ARSF: variants seen among roughly 807,000 people sequenced by gnomAD.
ARSF encodes arylsulfatase F.
A neutral mutation model predicts 35.4 loss-of-function variants in ARSF; 33 were observed. The ratio of observed to expected loss-of-function variants is 0.93; its 90% CI spans 0.71 to 1.25. The LOEUF (loss-of-function observed/expected upper bound fraction) is 1.25. Ranked by LOEUF, ARSF falls within the 50% of genes most tolerant of loss-of-function variation. The pLI is 0.00. For synonymous variants in ARSF, 222 were observed against 193.1 expected (o/e 1.15, Z -1.24); for missense variants, 501 against 480.2 (o/e 1.04, Z -0.40).
At chrX:3,073,464 A>T (rs182317712) in intron 3 of ARSF, among the ~76,000 whole-genome samples, 132 of 93,603 alleles carry the variant, frequency 1.4e-3, no homozygotes, top group African/African-American at 5.6e-3. Context: ...TTTTACTATG[A>T]CCATCCTGGT....
intron 4 of ARSF, among the ~76,000 whole-genome samples, chrX:3,077,490 T>C (rs878911079): frequency 9.2e-6 from 1 of 109,275 alleles, no homozygotes; most frequent in East Asian, 2.9e-4. Context: ...AATACAAAAA[T>C]TAGCCGGACA....
intron 5 of ARSF, among the ~76,000 whole-genome samples, chrX:3,082,204 G>A (rs1207435967): frequency 3.6e-5 from 4 of 111,890 alleles, no homozygotes; most frequent in Non-Finnish European, 5.6e-5. Flanking sequence ...ACGTTTTACT[G>A]AATAAGTCCC....
At chrX:3,044,888 C>T (rs1207721878) in intron 1 of ARSF, among the ~76,000 whole-genome samples, 1 of 110,260 alleles carries the variant, frequency 9.1e-6, no homozygotes, top group African/African-American at 3.3e-5. Flanking sequence ...TAGGGCCGAG[C>T]TTCCAGACTT....
intron 1 of ARSF, among the ~76,000 whole-genome samples, chrX:3,067,664 G>C (rs1280316234): frequency 9.1e-6 from 1 of 110,233 alleles, no homozygotes; most frequent in Non-Finnish European, 1.9e-5. Flanking sequence ...TTCAGGACCA[G>C]CCTGGCCAAC....
intron 5 of ARSF, among the ~76,000 whole-genome samples, chrX:3,083,006 C>G (rs747715173): frequency 3.6e-5 from 4 of 109,810 alleles, no homozygotes; most frequent in Non-Finnish European, 7.6e-5. Context: ...ACTACTCACT[C>G]TATCTCTATC....
chrX:3,082,390 GTCTA>G (rs1392824046), intron 5 of ARSF, among the ~76,000 whole-genome samples: 8 of 110,617 alleles, frequency 7.2e-5, no homozygotes, highest in Middle Eastern at 4.2e-3. Flanking sequence ...CCATCTACCT[GTCTA>G]TCTATCTACC....
rs182863204 is a variant in ARSF at position 3,098,657 on chromosome X, G to A, written c.968-2430G>A. On this transcript the variant is annotated intron_variant, in intron 7 of 10. Coordinates refer to ENST00000381127, the MANE Select transcript of ARSF (RefSeq NM_001201539.2). ...GTGATTGTGTGTCCTCTCCAGCCAC[G>A]TAGAACTGTGATTCCATTAAACCTC... 9.2e-3 allele frequency among the ~76,000 whole-genome samples: 1,020 copies of A among 111,181 alleles called. 6 individuals are homozygous for A. The highest frequency in any genetic ancestry group is 0.014 in the Non-Finnish European group (721 of 53,043).
chrX:3,071,986 G>A, intron 2 of ARSF, 40 bp from the exon 3 acceptor site: 1 of 1,205,321 alleles, frequency 8.3e-7, no homozygotes, highest in Non-Finnish European at 1.1e-6. Context: ...AATCCACCCA[G>A]AGAAGCCTGA....
In ARSF at chrX:3,080,733, T is replaced by C. The variant is rs760346854; in HGVS notation, c.284-158T>C. On this transcript the variant is annotated intron_variant, in intron 4 of 10. Transcript: ENST00000381127. ...TTTTGTAAGGGCACTGATTCCATTCTTGAGGCTCCACCCTCCTGACCTCAT... is the reference window on the plus strand; with the variant it reads ...TTTTGTAAGGGCACTGATTCCATTCCTGAGGCTCCACCCTCCTGACCTCAT... 5.4e-5 allele frequency among the ~76,000 whole-genome samples: 6 copies of C among 111,245 alleles called. No homozygotes were observed. In the East Asian group the frequency reaches 1.1e-3, roughly 21 times the overall value.
chrX:3,087,814 A>T (rs1288114987), intron 6 of ARSF, among the ~76,000 whole-genome samples: 1 of 110,558 alleles, frequency 9.0e-6, no homozygotes, highest in Non-Finnish European at 1.9e-5. Flanking sequence ...CTATAGGGAC[A>T]ACATTATTGG....
intron 3 of ARSF, among the ~76,000 whole-genome samples, chrX:3,074,235 T>C (rs2090130334): frequency 9.0e-6 from 1 of 111,282 alleles, no homozygotes; most frequent in African/African-American, 3.3e-5. Flanking sequence ...CTGAAAATAC[T>C]AGCAATTTGA....
chrX:3,112,012 C>T (rs1417241575), intron 10 of ARSF, among the ~76,000 whole-genome samples, 162 bp from the exon 11 acceptor site: 1 of 111,283 alleles, frequency 9.0e-6, no homozygotes, highest in African/African-American at 3.3e-5. Context: ...CTCTCTCCCC[C>T]AACCACTCAC....
At chrX:3,080,125 G>A (rs774320510) in intron 4 of ARSF, among the ~76,000 whole-genome samples, 8 of 110,438 alleles carry the variant, frequency 7.2e-5, no homozygotes, top group South Asian at 4.0e-4. Flanking sequence ...GAATAAAATC[G>A]CACGTATCAA....
intron 7 of ARSF, among the ~76,000 whole-genome samples, chrX:3,091,899 TAGAAAGATAGATGATTGAG>T (rs1196321706): frequency 4.5e-5 from 5 of 109,950 alleles, no homozygotes; most frequent in Non-Finnish European, 1.9e-5. Flanking sequence ...AGATGATCGA[TAGAAAGATAGATGATTGAG>T]AGATAGATAC....
chrX:3,065,772 C>A (rs1209839524), intron 1 of ARSF, among the ~76,000 whole-genome samples: 1 of 110,414 alleles, frequency 9.1e-6, no homozygotes, highest in Non-Finnish European at 1.9e-5. Flanking sequence ...GTACATTTAC[C>A]TGAAGAAATC....
intron 7 of ARSF, among the ~76,000 whole-genome samples, chrX:3,097,509 G>A (rs955849766): frequency 9.0e-6 from 1 of 111,519 alleles, no homozygotes; most frequent in African/African-American, 3.3e-5. Flanking sequence ...CAGATTAAAA[G>A]TACAAATATT....
At chrX:3,045,761 G>T (rs1398041714) in intron 1 of ARSF, among the ~76,000 whole-genome samples, 2 of 110,018 alleles carry the variant, frequency 1.8e-5, no homozygotes, top group Non-Finnish European at 3.8e-5. Context: ...CTCCATGTTG[G>T]TCAGGCTGGT....
chrX:3,077,361 G>A (rs759252272), intron 4 of ARSF, among the ~76,000 whole-genome samples: 17 of 111,692 alleles, frequency 1.5e-4, no homozygotes, highest in African/African-American at 5.2e-4. Flanking sequence ...AGTCATGGCC[G>A]GGCATGGTGG....
intron 5 of ARSF, among the ~76,000 whole-genome samples, chrX:3,083,998 T>C (rs2090224863): frequency 8.9e-6 from 1 of 112,147 alleles, no homozygotes; most frequent in Non-Finnish European, 1.9e-5. Context: ...TTCTCCCTTA[T>C]TGTTTATCCT....
Sources: allele counts gnomAD v4.1 joint callset (sites outside exome capture counted in the v4.1 genomes callset), GRCh38; gene constraint gnomAD v4.1.1; transcripts MANE v1.5; gene names NCBI Gene and HGNC (gene_info 2026-07-23, HGNC 2026-07-21).